POFUT3: variants seen among roughly 807,000 people sequenced by gnomAD.
POFUT3 encodes the protein GDP-fucose protein O-fucosyltransferase 3.
chr8:33,360,379 G>T, the POFUT3 span, among the ~76,000 whole-genome samples: 1 of 151,982 alleles, frequency 6.6e-6, no homozygotes. Context: ...CCAGGAGGCG[G>T]AGCTTGCAGT....
At chr8:33,341,479 T>G in the POFUT3 span, among the ~76,000 whole-genome samples, 503 of 150,396 alleles carry the variant, frequency 3.3e-3, 1 homozygote, top group Non-Finnish European at 5.9e-3. Flanking sequence ...TCCAAATACT[T>G]GGGAACTGAA....
At chr8:33,338,887 A>G in the POFUT3 span, 2 of 152,222 alleles carry the variant, frequency 1.3e-5, no homozygotes, top group African/African-American at 4.8e-5. Flanking sequence ...AACACAAATA[A>G]TAAAATTGGA....
chr8:33,368,391 T>C, the POFUT3 span, among the ~76,000 whole-genome samples: 5,789 of 152,272 alleles, frequency 0.038, 223 homozygotes, highest in East Asian at 0.1. Flanking sequence ...AATTAATTGG[T>C]TTAATCCCAG....
At chr8:33,446,286 G>A in the POFUT3 span, among the ~76,000 whole-genome samples, 263 of 151,970 alleles carry the variant, frequency 1.7e-3, no homozygotes, top group Non-Finnish European at 2.4e-3. Flanking sequence ...GTGAAATGCC[G>A]TCTCTACTCA....
chr8:33,324,868 GC>G, the POFUT3 span, among the ~76,000 whole-genome samples: 2 of 151,980 alleles, frequency 1.3e-5, no homozygotes, highest in African/African-American at 4.8e-5. Context: ...AAGAGCTGCT[GC>G]CTGATCTTCA....
the POFUT3 span, among the ~76,000 whole-genome samples, chr8:33,336,575 G>A: frequency 2.0e-5 from 3 of 152,196 alleles, no homozygotes; most frequent in African/African-American, 7.2e-5. Flanking sequence ...GGGTCTGTTG[G>A]ATTGAGGGGA....
the POFUT3 span, among the ~76,000 whole-genome samples, chr8:33,395,828 G>A: frequency 2.7e-3 from 411 of 152,250 alleles, 2 homozygotes; most frequent in African/African-American, 9.3e-3. Flanking sequence ...CACTTGCCCA[G>A]GCTCCTGCAC....
the POFUT3 span, among the ~76,000 whole-genome samples, chr8:33,435,217 AT>A: frequency 7.1e-6 from 1 of 140,908 alleles, no homozygotes; most frequent in Non-Finnish European, 1.5e-5. Flanking sequence ...TTAGTTTTTA[AT>A]TTAATTTTTT....
chr8:33,407,639 C>T, the POFUT3 span, among the ~76,000 whole-genome samples: 1 of 152,058 alleles, frequency 6.6e-6, no homozygotes, highest in Non-Finnish European at 1.5e-5. Flanking sequence ...TTCAGCAAAC[C>T]CTCCAGCTGG....
At chr8:33,339,087 T>G in the POFUT3 span, 2 of 152,034 alleles carry the variant, frequency 1.3e-5, no homozygotes, top group Non-Finnish European at 2.9e-5. Flanking sequence ...CAACTACCAC[T>G]GAGAGAGATG....
chr8:33,420,443 A>T, the POFUT3 span, among the ~76,000 whole-genome samples: 2 of 152,160 alleles, frequency 1.3e-5, no homozygotes, highest in East Asian at 3.8e-4. Flanking sequence ...CACGAATGAG[A>T]AGACTGATGG....
the POFUT3 span, chr8:33,461,858 C>T: frequency 2.9e-6 from 1 of 348,782 alleles, no homozygotes; most frequent in Non-Finnish European, 5.5e-6. Flanking sequence ...TAGTACCTCA[C>T]TCATAAGTAA....
chr8:33,452,929 T>C, the POFUT3 span: 1 of 354,274 alleles, frequency 2.8e-6, no homozygotes, highest in African/African-American at 2.1e-5. Flanking sequence ...AAACTCAACA[T>C]TTAACTTTGC....
chr8:33,393,686 GGACAAGAACGTCT>G, the POFUT3 span, among the ~76,000 whole-genome samples: 1 of 152,142 alleles, frequency 6.6e-6, no homozygotes, highest in African/African-American at 2.4e-5. Context: ...TCCCGGGTGG[GGACAAGAACGTCT>G]GACCAGCAAA....
At chr8:33,429,498 T>G in the POFUT3 span, among the ~76,000 whole-genome samples, 2 of 152,124 alleles carry the variant, frequency 1.3e-5, no homozygotes, top group Non-Finnish European at 2.9e-5. Flanking sequence ...AATAATACAG[T>G]ATAAAATAGA....
At chr8:33,388,875 G>T in the POFUT3 span, 2 of 1,008,812 alleles carry the variant, frequency 2.0e-6, no homozygotes, top group East Asian at 4.8e-5. Flanking sequence ...ACACTGATGA[G>T]GTGGCAACAA....
At chr8:33,318,001 G>C in the POFUT3 span, among the ~76,000 whole-genome samples, 4 of 152,118 alleles carry the variant, frequency 2.6e-5, no homozygotes, top group Non-Finnish European at 2.9e-5. Flanking sequence ...CAAATGTCTG[G>C]TGAATAAAAT....
At chr8:33,372,916 G>A in the POFUT3 span, 4 of 934,732 alleles carry the variant, frequency 4.3e-6, no homozygotes, top group Non-Finnish European at 6.4e-6. Flanking sequence ...GAGCTAAAGG[G>A]GAAAGAAAGC....
At chr8:33,328,971 T>C in the POFUT3 span, among the ~76,000 whole-genome samples, 1 of 152,220 alleles carries the variant, frequency 6.6e-6, no homozygotes, top group African/African-American at 2.4e-5. Context: ...TTACCTAAGA[T>C]AATTTTGATA....
Sources: gnomAD v4.1 joint callset for allele counts (sites outside exome capture counted in the v4.1 genomes callset) on GRCh38, gnomAD v4.1.1 for gene constraint, MANE v1.5 for transcripts, NCBI Gene and HGNC (gene_info 2026-07-23, HGNC 2026-07-21) for gene names.